The following PDS5B variants were observed in gnomAD, a reference collection of about 807,000 sequenced individuals.
The protein encoded by PDS5B is sister chromatid cohesion protein PDS5 homolog B.
In PDS5B, 51 loss-of-function variants were observed where a neutral mutation model predicts 184.1. The ratio of observed to expected loss-of-function variants is 0.28; its 90% CI spans 0.22 to 0.35. The LOEUF (loss-of-function observed/expected upper bound fraction) is 0.35. PDS5B is among the 10% of genes least tolerant of loss of function. The probability of loss-of-function intolerance (pLI) is 1.00; values close to 1 mark genes in which losing one functional copy is unlikely to be tolerated. For missense variants in PDS5B, 1,180 were observed against 1,723.3 expected, an observed-to-expected ratio of 0.68 and a Z score of 5.58; for synonymous variants, 566 against 569.2, an observed-to-expected ratio of 0.99 and a Z score of 0.08.
chr13:32,637,323 C>T (rs986929811), intron 1 of PDS5B, among the ~76,000 whole-genome samples: 1 of 146,230 alleles, frequency 6.8e-6, no homozygotes. Flanking sequence ...AAGGGAATTG[C>T]CAAGCTTCAT....
intron 2 of PDS5B, 51 bp from the exon 3 acceptor site, chr13:32,651,753 C>T (rs1566285656): frequency 1.8e-6 from 2 of 1,089,622 alleles, no homozygotes; most frequent in South Asian, 1.3e-5. Flanking sequence ...TTTCACATGA[C>T]TGTAGTTTTA....
chr13:32,604,221 A>G (rs1302955569), intron 1 of PDS5B, among the ~76,000 whole-genome samples: 1 of 152,196 alleles, frequency 6.6e-6, no homozygotes, highest in Non-Finnish European at 1.5e-5. Flanking sequence ...TTTGTCATAA[A>G]TAGCTCTTCT....
At chr13:32,717,249 G>C (rs1343404751) in intron 19 of PDS5B, among the ~76,000 whole-genome samples, 1 of 151,916 alleles carries the variant, frequency 6.6e-6, no homozygotes, top group African/African-American at 2.4e-5. Flanking sequence ...GGAATAGAAA[G>C]GGGGGAAAGG....
At chr13:32,642,412 T>A (rs7332884) in intron 1 of PDS5B, among the ~76,000 whole-genome samples, 58,286 of 151,990 alleles carry the variant, frequency 0.38, 11,632 homozygotes, top group Non-Finnish European at 0.44. Context: ...AATGTGATAA[T>A]TGCTAATTGT....
intron 31 of PDS5B, among the ~76,000 whole-genome samples, chr13:32,768,222 C>T (rs1028659934): frequency 6.6e-6 from 1 of 152,170 alleles, no homozygotes. Context: ...GATTTGGTTC[C>T]TGATGAGGGC....
chr13:32,648,997 A>G lies in PDS5B; in HGVS notation c.108+117A>G, dbSNP rs958225383. 5.9e-6 allele frequency: 4 copies of G among 675,556 alleles called. No individual in the cohort carries two copies. The African/African-American group carries it at 7.2e-5, about 12-fold the overall frequency. 41.8% of individuals were successfully genotyped at this position (675,556 alleles called of 1,614,324 possible). On this transcript the variant is annotated intron_variant, in intron 2 of 34. Coordinates refer to ENST00000315596, the MANE Select transcript of PDS5B (RefSeq NM_015032.4). ...CTTAAAAAAGCAAAGCAAAGCAGCA[A>G]ATGGCATAGAAAAGATCTAAGGGAG...
At chr13:32,663,012 T>A (rs1388414339) in intron 6 of PDS5B, among the ~76,000 whole-genome samples, 1 of 152,130 alleles carries the variant, frequency 6.6e-6, no homozygotes, top group Non-Finnish European at 1.5e-5. Flanking sequence ...CTGGCAAATT[T>A]GTCTTGAGAG....
Position 32,726,043 on chromosome 13 carries a change from A to G in PDS5B, c.2124-6058A>G, listed in dbSNP as rs571398311. On this transcript the variant is annotated intron_variant, in intron 19 of 34. Coordinates refer to ENST00000315596, the MANE Select transcript of PDS5B (RefSeq NM_015032.4). ...AAATTTAATTTTGTTTTTTAATTATATGAAATGTTAAATGGCTTTAAACAT... is the reference window on the plus strand; with the variant it reads ...AAATTTAATTTTGTTTTTTAATTATGTGAAATGTTAAATGGCTTTAAACAT... 7.2e-5 allele frequency among the ~76,000 whole-genome samples: 11 copies of G among 152,042 alleles called. No individual in the cohort carries two copies. The South Asian group carries it at 2.1e-3, about 29-fold the overall frequency.
chr13:32,758,069 C>CTT lies in PDS5B; in HGVS notation c.3057-18_3057-17insTT. 9.9e-7 allele frequency: 1 copy of CTT among 1,010,628 alleles called. No homozygotes were observed. The highest frequency in any genetic ancestry group is 1.3e-6 in the Non-Finnish European group (1 of 742,740). The allele number at this position is 1,010,628 out of a possible 1,614,324, so 62.6% of individuals were successfully genotyped here. On this transcript the variant is annotated splice_polypyrimidine_tract_variant and intron_variant, in intron 26 of 34. Coordinates refer to ENST00000315596, the MANE Select transcript of PDS5B (RefSeq NM_015032.4). ...TGATTTTCTTCTATATTTCTTTTTTCCTTTTTTTTTTTTTTAGATGTCTTT... is the reference window on the plus strand; with the variant it reads ...TGATTTTCTTCTATATTTCTTTTTTCTTCTTTTTTTTTTTTTTAGATGTCTTT...
chr13:32,770,674 G>A lies in PDS5B; in HGVS notation c.4085G>A (p.Ser1362Asn), dbSNP rs756069537. Residue 1362 changes from serine (S) to asparagine (N), a missense_variant, in exon 33 of 35, where the codon AGT (serine) becomes AAT (asparagine). Physicochemically the swap from Ser to Asn is conservative, Grantham distance 46. Coordinates refer to ENST00000315596, the MANE Select transcript of PDS5B (RefSeq NM_015032.4). ...AGCAGAGCAGAATCTCCTGAATCTA[G>A]TGCAATTGAATCCACACAGTCCACA... ...AQQRAESPES[S>N]AIESTQSTPQ... The A allele has an allele frequency of 1.2e-6, 2 of 1,611,428 alleles. No individual in the cohort carries two copies. Among genetic ancestry groups the A allele is most frequent in the South Asian group, 1.1e-5 (1 of 90,520 alleles).
At chr13:32,751,648 A>G (rs1244011924) in intron 24 of PDS5B, among the ~76,000 whole-genome samples, 4 of 152,116 alleles carry the variant, frequency 2.6e-5, no homozygotes, top group Non-Finnish European at 4.4e-5. Flanking sequence ...GTCTGTGTGT[A>G]TATCTTCTTT....
chr13:32,662,344 C>T (rs1053801469), intron 6 of PDS5B, among the ~76,000 whole-genome samples: 3 of 151,988 alleles, frequency 2.0e-5, no homozygotes, highest in Non-Finnish European at 4.4e-5. Flanking sequence ...ATTCACTATT[C>T]GTGTTCCATT....
At chr13:32,616,752 T>G (rs756456217) in intron 1 of PDS5B, among the ~76,000 whole-genome samples, 1 of 152,218 alleles carries the variant, frequency 6.6e-6, no homozygotes, top group African/African-American at 2.4e-5. Flanking sequence ...GTAGTTGAAC[T>G]GCAAAATTTT....
At chr13:32,665,450 G>A (rs976155619) in intron 6 of PDS5B, among the ~76,000 whole-genome samples, 7 of 151,540 alleles carry the variant, frequency 4.6e-5, no homozygotes, top group Non-Finnish European at 7.4e-5. Flanking sequence ...TTAGCTGGGC[G>A]TGGTGGCGGG....
intron 1 of PDS5B, among the ~76,000 whole-genome samples, chr13:32,617,974 C>A (rs2058242796): frequency 6.6e-6 from 1 of 152,140 alleles, no homozygotes. Flanking sequence ...AAGATGAAGG[C>A]ACTAGCAGGT....
In PDS5B at chr13:32,777,351, C is replaced by CTTTTTTTTTTTTT. The variant is rs546641613; in HGVS notation, c.*2302_*2314dup. 10 of 129,574 alleles carry CTTTTTTTTTTTTT rather than the reference C, an allele frequency of 7.7e-5. No individual in the cohort carries two copies. The highest frequency in any genetic ancestry group is 1.1e-4 in the African/African-American group (4 of 35,254). The allele number at this position is 129,574 out of a possible 1,614,324, so 8.0% of individuals were successfully genotyped here. A position where few individuals can be genotyped will look rare whatever the true frequency, so the allele number is the denominator to read the frequency against. On this transcript the variant is annotated 3_prime_UTR_variant, in exon 35 of 35. Coordinates refer to ENST00000315596, the MANE Select transcript of PDS5B (RefSeq NM_015032.4). ...ATGTAAATTTTTCTTTTCTTTCTTT[C>CTTTTTTTTTTTTT]TTTTTTTTTTTTTTTGTGTAGAAAA...
At chr13:32,695,282 A>C (rs1476026670) in intron 14 of PDS5B, among the ~76,000 whole-genome samples, 1 of 151,918 alleles carries the variant, frequency 6.6e-6, no homozygotes, top group Non-Finnish European at 1.5e-5. Context: ...TGTTTTATTG[A>C]ACATAACCTT....
intron 1 of PDS5B, among the ~76,000 whole-genome samples, chr13:32,608,498 GA>G (rs2058095407): frequency 1.3e-5 from 2 of 152,124 alleles, no homozygotes; most frequent in Non-Finnish European, 2.9e-5. Flanking sequence ...CGAATTGTAG[GA>G]AGCGTTTGTA....
At chr13:32,652,979 G>T (rs1593342480) in intron 3 of PDS5B, among the ~76,000 whole-genome samples, 1 of 152,130 alleles carries the variant, frequency 6.6e-6, no homozygotes, top group African/African-American at 2.4e-5. Flanking sequence ...GGCAGATCAG[G>T]TAGGAATTAA....
Sources: allele counts gnomAD v4.1 joint callset (sites outside exome capture counted in the v4.1 genomes callset), GRCh38; gene constraint gnomAD v4.1.1; transcripts MANE v1.5; gene names NCBI Gene and HGNC (gene_info 2026-07-23, HGNC 2026-07-21).